The following TSHZ2 variants were observed in gnomAD, a reference collection of about 807,000 sequenced individuals.
The protein encoded by TSHZ2 is teashirt zinc finger homeobox 2, also known as teashirt homolog 2.
In TSHZ2, 21 loss-of-function variants were observed where a neutral mutation model predicts 74.4. The ratio of observed to expected loss-of-function variants is 0.28; its 90% confidence interval spans 0.20 to 0.41. TSHZ2 has a LOEUF of 0.41. Ranked by LOEUF, TSHZ2 falls within the 10% of genes least tolerant of loss-of-function variation. The probability of loss-of-function intolerance (pLI) is 1.00; values close to 1 mark genes in which losing one functional copy is unlikely to be tolerated. For missense variants in TSHZ2, 1,244 were observed against 1,293.5 expected, an observed-to-expected ratio of 0.96 and a Z score of 0.59; for synonymous variants, 540 against 515.3, an observed-to-expected ratio of 1.05 and a Z score of -0.65.
At chr20:53,129,559 TG>T (rs1373978203) in intron 1 of TSHZ2, among the ~76,000 whole-genome samples, 1 of 152,238 alleles carries the variant, frequency 6.6e-6, no homozygotes, top group Non-Finnish European at 1.5e-5. Context: ...TAGATACTGT[TG>T]GATAATATTG....
At chr20:53,220,819 T>C (rs1223537659) in intron 1 of TSHZ2, among the ~76,000 whole-genome samples, 1 of 151,898 alleles carries the variant, frequency 6.6e-6, no homozygotes, top group African/African-American at 2.4e-5. Flanking sequence ...GAAGAAAAAT[T>C]AAACACAGCA....
chr20:53,012,400 C>A (rs991099299), intron 1 of TSHZ2, among the ~76,000 whole-genome samples: 3 of 152,140 alleles, frequency 2.0e-5, no homozygotes, highest in Non-Finnish European at 2.9e-5. Flanking sequence ...GTATCAGCAT[C>A]GTCTGGATTT....
chr20:53,106,260 T>A (rs1037175907), intron 1 of TSHZ2, among the ~76,000 whole-genome samples: 7 of 152,134 alleles, frequency 4.6e-5, no homozygotes, highest in Admixed American at 3.3e-4. Context: ...CAGCCTCTTA[T>A]AACCACCTTT....
intron 1 of TSHZ2, among the ~76,000 whole-genome samples, chr20:53,237,361 C>T (rs1568827861): frequency 6.6e-6 from 1 of 152,104 alleles, no homozygotes; most frequent in South Asian, 2.1e-4. Flanking sequence ...ATGGTAGAAA[C>T]CTTCAAACCA....
chr20:53,101,359 A>G (rs987126170), intron 1 of TSHZ2, among the ~76,000 whole-genome samples: 20 of 152,210 alleles, frequency 1.3e-4, no homozygotes, highest in African/African-American at 4.8e-4. Context: ...GGGGGGAGTG[A>G]TAGTTCCTAT....
In TSHZ2 at chr20:53,120,312, A is replaced by G. The variant is rs184710899; in HGVS notation, c.41-133187A>G. Among the ~76,000 whole-genome samples, 412 of 152,372 alleles carry G rather than the reference A, an allele frequency of 2.7e-3. 1 individual carries two copies. Among genetic ancestry groups the G allele is most frequent in the African/African-American group, 8.7e-3 (360 of 41,594 alleles). ...CGCAGAGATCTCACAGCACAGCCAC[A>G]CTACAAAGTATGATAATCGTTCAAA... On this transcript the variant is annotated intron_variant, in intron 1 of 2. Coordinates refer to ENST00000371497, the MANE Select transcript of TSHZ2 (RefSeq NM_173485.6).
At chr20:53,097,370 T>A (rs1345124575) in intron 1 of TSHZ2, among the ~76,000 whole-genome samples, 1 of 152,174 alleles carries the variant, frequency 6.6e-6, no homozygotes, top group Non-Finnish European at 1.5e-5. Context: ...AGGCCAGATA[T>A]AATACCCAGA....
chr20:53,143,880 G>A (rs562211737), intron 1 of TSHZ2, among the ~76,000 whole-genome samples: 1 of 152,076 alleles, frequency 6.6e-6, no homozygotes, highest in African/African-American at 2.4e-5. Flanking sequence ...ATGGGAGCCC[G>A]GAGTTTTATT....
At chr20:53,182,738 G>C (rs939711641) in intron 1 of TSHZ2, among the ~76,000 whole-genome samples, 3 of 152,110 alleles carry the variant, frequency 2.0e-5, no homozygotes, top group Non-Finnish European at 4.4e-5. Flanking sequence ...TTTGTTCCCA[G>C]AATGTTTAAA....
intron 1 of TSHZ2, among the ~76,000 whole-genome samples, chr20:53,181,961 T>A (rs1015505975): frequency 1.7e-4 from 26 of 152,148 alleles, no homozygotes; most frequent in African/African-American, 6.3e-4. Context: ...GGTGAAGAAG[T>A]GATGGTAGCA....
intron 2 of TSHZ2, among the ~76,000 whole-genome samples, chr20:53,343,394 A>G (rs1355049763): frequency 6.6e-6 from 1 of 152,178 alleles, no homozygotes; most frequent in Non-Finnish European, 1.5e-5. Context: ...TGGGCACACA[A>G]GGCAGTGGCC....
At chr20:53,370,395 CA>C (rs1981423687) in intron 2 of TSHZ2, among the ~76,000 whole-genome samples, 1 of 152,150 alleles carries the variant, frequency 6.6e-6, no homozygotes, top group South Asian at 2.1e-4. Flanking sequence ...TCAAATTTTT[CA>C]AAAAGAAACA....
chr20:53,289,393 T>C (rs1991238312), intron 2 of TSHZ2, among the ~76,000 whole-genome samples: 1 of 152,248 alleles, frequency 6.6e-6, no homozygotes, highest in Non-Finnish European at 1.5e-5. Flanking sequence ...ATCTCCACAC[T>C]GTTTTCCATA....
At chr20:53,367,299 G>C (rs1981299030) in intron 2 of TSHZ2, among the ~76,000 whole-genome samples, 1 of 151,692 alleles carries the variant, frequency 6.6e-6, no homozygotes, top group African/African-American at 2.4e-5. Flanking sequence ...AGCTACTCAG[G>C]AGACTGAGGC....
intron 2 of TSHZ2, among the ~76,000 whole-genome samples, chr20:53,438,894 A>G (rs538772209): frequency 6.6e-6 from 1 of 152,320 alleles, no homozygotes; most frequent in South Asian, 2.1e-4. Context: ...CAGGAGGCGG[A>G]GGTTGCGGTG....
intron 1 of TSHZ2, among the ~76,000 whole-genome samples, chr20:53,100,719 G>T (rs1222285211): frequency 3.3e-5 from 5 of 152,048 alleles, no homozygotes; most frequent in Non-Finnish European, 7.4e-5. Context: ...CTGCCTCTTT[G>T]TCCCTTCTAA....
At chr20:53,440,578 G>A (rs1041605966) in intron 2 of TSHZ2, among the ~76,000 whole-genome samples, 7 of 152,144 alleles carry the variant, frequency 4.6e-5, no homozygotes, top group Admixed American at 1.3e-4. Flanking sequence ...CAGTGGGGAA[G>A]ACAGGCCACA....
intron 1 of TSHZ2, among the ~76,000 whole-genome samples, chr20:53,169,159 GA>G (rs1988130535): frequency 6.6e-6 from 1 of 152,168 alleles, no homozygotes; most frequent in Non-Finnish European, 1.5e-5. Context: ...ACTGGTCTCA[GA>G]TCCAAGTAGT....
chr20:53,315,473 G>T (rs547607435), intron 2 of TSHZ2, among the ~76,000 whole-genome samples: 3 of 152,222 alleles, frequency 2.0e-5, no homozygotes, highest in Non-Finnish European at 2.9e-5. Context: ...TGAACTTTGT[G>T]TATAGGCGTG....
Sources: gnomAD v4.1 joint callset for allele counts (sites outside exome capture counted in the v4.1 genomes callset) on GRCh38, gnomAD v4.1.1 for gene constraint, MANE v1.5 for transcripts, NCBI Gene and HGNC (gene_info 2026-07-23, HGNC 2026-07-21) for gene names.